RASAL2: variants seen among roughly 807,000 people sequenced by gnomAD.
RASAL2 encodes the protein ras GTPase-activating protein nGAP.
RASAL2 carries 58 observed loss-of-function variants against 128.9 expected under a neutral mutation model. The observed-to-expected ratio is 0.45, with a 90% CI of 0.36 to 0.56. The LOEUF is 0.56. Ranked by LOEUF, RASAL2 falls within the 20% of genes least tolerant of loss-of-function variation. The pLI is 0.00. For synonymous variants in RASAL2, 561 were observed against 580.8 expected (o/e 0.97, Z 0.49); for missense variants, 1,360 against 1,601.6 (o/e 0.85, Z 2.57).
chr1:178,464,151 T>G, intron 14 of RASAL2, 127 bp from the exon 15 acceptor site: 2 of 1,169,582 alleles, frequency 1.7e-6, no homozygotes, highest in Non-Finnish European at 2.3e-6. Context: ...AAAATAATAC[T>G]TAAAGCTAAG....
intron 1 of RASAL2, among the ~76,000 whole-genome samples, chr1:178,257,184 A>G (rs1283978430): frequency 6.6e-6 from 1 of 152,194 alleles, no homozygotes; most frequent in Non-Finnish European, 1.5e-5. Flanking sequence ...TAGTGTTGTT[A>G]AGATGTCAAC....
intron 4 of RASAL2, among the ~76,000 whole-genome samples, chr1:178,390,756 T>C (rs1672855340): frequency 6.6e-6 from 1 of 152,202 alleles, no homozygotes; most frequent in African/African-American, 2.4e-5. Flanking sequence ...ACAAAATATG[T>C]AACTACATTA....
chr1:178,216,435 T>C (rs1274269000), intron 1 of RASAL2, among the ~76,000 whole-genome samples: 5 of 152,250 alleles, frequency 3.3e-5, no homozygotes, highest in African/African-American at 1.2e-4. Flanking sequence ...TAGATATATG[T>C]ATAACTGCAG....
intron 2 of RASAL2, among the ~76,000 whole-genome samples, chr1:178,286,496 C>T (rs1003489159): frequency 1.1e-4 from 16 of 152,096 alleles, no homozygotes; most frequent in Admixed American, 9.8e-4. Context: ...CTGCAACCTC[C>T]GCCTCCTGAG....
chr1:178,224,730 T>A (rs1663730906), intron 1 of RASAL2, among the ~76,000 whole-genome samples: 1 of 152,136 alleles, frequency 6.6e-6, no homozygotes. Context: ...ATACATATAA[T>A]AAAATAGAAT....
At chr1:178,426,852 T>G (rs977806850) in intron 5 of RASAL2, among the ~76,000 whole-genome samples, 1 of 152,132 alleles carries the variant, frequency 6.6e-6, no homozygotes, top group Non-Finnish European at 1.5e-5. Context: ...TTTAAACATT[T>G]TTGATCAAGA....
Position 178,364,545 on chromosome 1 carries a change from T to C in RASAL2, c.458-25555T>C, listed in dbSNP as rs368626521. On this transcript the variant is annotated intron_variant, in intron 3 of 17. Transcript: ENST00000367649. ...GTACATTGTAAATGCAGAATACATT[T>C]GATCTATTATTATTGTTGCTACAAG... Among the ~76,000 whole-genome samples, 6 of 152,342 alleles carry C rather than the reference T, an allele frequency of 3.9e-5. No homozygotes were observed. In the East Asian group the frequency reaches 1.2e-3, roughly 29 times the overall value.
chr1:178,268,493 G>T (rs1430834143), intron 1 of RASAL2, among the ~76,000 whole-genome samples: 1 of 151,970 alleles, frequency 6.6e-6, no homozygotes, highest in Admixed American at 6.6e-5. Context: ...AATTAGCTGG[G>T]TGTGGTGGTG....
intron 3 of RASAL2, among the ~76,000 whole-genome samples, chr1:178,311,674 C>T (rs1230450486): frequency 6.6e-6 from 1 of 152,160 alleles, no homozygotes; most frequent in Admixed American, 6.6e-5. Flanking sequence ...CACCTTTCTT[C>T]TCTCACTTGC....
chr1:178,276,217 G>T (rs568521416), intron 1 of RASAL2, among the ~76,000 whole-genome samples: 34 of 152,238 alleles, frequency 2.2e-4, no homozygotes, highest in African/African-American at 7.2e-4. Context: ...CTGTGTGTTG[G>T]GTGGTTATCA....
At chr1:178,418,087 T>C (rs1674888981) in intron 4 of RASAL2, among the ~76,000 whole-genome samples, 1 of 152,082 alleles carries the variant, frequency 6.6e-6, no homozygotes, top group South Asian at 2.1e-4. Context: ...CTCTCCCTAA[T>C]GACACCAAAA....
At chr1:178,239,190 G>T (rs1024269965) in intron 1 of RASAL2, among the ~76,000 whole-genome samples, 2 of 151,966 alleles carry the variant, frequency 1.3e-5, no homozygotes, top group African/African-American at 4.8e-5. Context: ...GAATCTTAAG[G>T]GATATTGATT....
chr1:178,138,718 A>G (rs1660421718), intron 1 of RASAL2, among the ~76,000 whole-genome samples: 1 of 152,192 alleles, frequency 6.6e-6, no homozygotes, highest in African/African-American at 2.4e-5. Flanking sequence ...ATGAAGTTAT[A>G]TGAAAATTCT....
chr1:178,448,982 C>G (rs1677198782), intron 9 of RASAL2, among the ~76,000 whole-genome samples: 1 of 152,130 alleles, frequency 6.6e-6, no homozygotes, highest in African/African-American at 2.4e-5. Flanking sequence ...ATGGCTGCTG[C>G]TTCTAAGAGC....
intron 4 of RASAL2, 52 bp from the exon 5 acceptor site, chr1:178,420,459 G>C: frequency 8.1e-7 from 1 of 1,234,712 alleles, no homozygotes; most frequent in Non-Finnish European, 1.2e-6. Flanking sequence ...GTGTGGACGA[G>C]TAACATTCCC....
intron 3 of RASAL2, among the ~76,000 whole-genome samples, chr1:178,383,677 C>G (rs1410249005): frequency 2.6e-5 from 4 of 152,174 alleles, no homozygotes; most frequent in Admixed American, 2.6e-4. Context: ...TTCATCCTTC[C>G]TATTCTGTTT....
chr1:178,253,873 C>G (rs1292253600), intron 1 of RASAL2, among the ~76,000 whole-genome samples: 1 of 152,192 alleles, frequency 6.6e-6, no homozygotes, highest in Non-Finnish European at 1.5e-5. Flanking sequence ...TTCGGGCCAT[C>G]TGGTCACAGG....
At chr1:178,173,237 C>G (rs151291519) in intron 1 of RASAL2, among the ~76,000 whole-genome samples, 134 of 152,120 alleles carry the variant, frequency 8.8e-4, no homozygotes, top group African/African-American at 2.7e-3. Context: ...TGCATAGCCC[C>G]TATTTTGAAC....
intron 1 of RASAL2, among the ~76,000 whole-genome samples, chr1:178,113,973 T>C (rs992801773): frequency 6.6e-6 from 1 of 152,236 alleles, no homozygotes; most frequent in Admixed American, 6.5e-5. Flanking sequence ...TTTCCAATTA[T>C]TTGTTGCTAG....
Sources: gnomAD v4.1 joint callset for allele counts (sites outside exome capture counted in the v4.1 genomes callset) on GRCh38, gnomAD v4.1.1 for gene constraint, MANE v1.5 for transcripts, NCBI Gene and HGNC (gene_info 2026-07-23, HGNC 2026-07-21) for gene names.